RNF20: variants seen among roughly 807,000 people sequenced by gnomAD.
RNF20 encodes the protein ring finger protein 20, also known as E3 ubiquitin-protein ligase BRE1A.
RNF20 carries 84 observed loss-of-function variants against 126.2 expected under a neutral mutation model. The observed-to-expected ratio is 0.67, with a 90% CI of 0.56 to 0.80. RNF20 has a LOEUF of 0.80. Among genes scored for constraint, RNF20 ranks in the 30% least tolerant of loss-of-function variants. The probability of loss-of-function intolerance (pLI) is 0.00; values close to 1 mark genes in which losing one functional copy is unlikely to be tolerated. For synonymous variants in RNF20, 400 were observed against 414.3 expected (o/e 0.97, Z 0.42); for missense variants, 869 against 1,188.2 (o/e 0.73, Z 3.95).
intron 13 of RNF20, 44 bp downstream of exon 13, chr9:101,552,797 G>A: frequency 6.5e-7 from 1 of 1,529,436 alleles, no homozygotes; most frequent in Non-Finnish European, 8.8e-7. Flanking sequence ...GAAAAGCTAA[G>A]ATTAAGACAT....
Position 101,550,715 on chromosome 9 carries a change from A to G in RNF20, c.1202A>G (p.His401Arg), listed in dbSNP as rs745793236. 1.2e-6 allele frequency: 2 copies of G among 1,614,178 alleles called. No individual in the cohort carries two copies. The highest frequency in any genetic ancestry group is 1.7e-6 in the Non-Finnish European group (2 of 1,180,034). The change falls in exon 10 of 20, where the codon CAC (histidine) becomes CGC (arginine). Residue 401 changes from histidine (H) to arginine (R), a missense_variant. Coordinates refer to ENST00000389120, the MANE Select transcript of RNF20 (RefSeq NM_019592.7). ...AATGAGAGCCTACAGTTGAAAGCAC[A>G]CTTGGATGAGGCTCGGACCCTGCTT... Reference protein sequence around the residue: ...LYNESLQLKAHLDEARTLLHG... With the variant: ...LYNESLQLKARLDEARTLLHG...
Position 101,556,798 on chromosome 9 carries a change from C to T in RNF20, c.2170-586C>T, listed in dbSNP as rs117124253. Reference sequence around the variant, plus strand: ...AACTTTTATTACAAAGAAGGCTTATCTGATACAAAAAAAACTCTCCAAAAT... The same window carrying T: ...AACTTTTATTACAAAGAAGGCTTATTTGATACAAAAAAAACTCTCCAAAAT... On this transcript the variant is annotated intron_variant, in intron 15 of 19. Coordinates refer to ENST00000389120, the MANE Select transcript of RNF20 (RefSeq NM_019592.7). Among the ~76,000 whole-genome samples the T allele has an allele frequency of 8.1e-3, 1,230 of 152,036 alleles. 7 individuals carry two copies. Among genetic ancestry groups the T allele is most frequent in the Admixed American group, 0.014 (208 of 15,286 alleles).
Position 101,535,383 on chromosome 9 carries a change from C to CT in RNF20, c.-26-8dup, listed in dbSNP as rs777480899. 18 of 1,596,920 alleles carry CT rather than the reference C, an allele frequency of 1.1e-5. No homozygotes were observed. Among genetic ancestry groups the CT allele is most frequent in the South Asian group, 3.4e-5 (3 of 88,622 alleles). ...TTACATATATTATGTCAGTTTCTGCCTTTTTTTCTATCAGGAAAACGACTG... is the reference window on the plus strand; with the variant it reads ...TTACATATATTATGTCAGTTTCTGCCTTTTTTTTCTATCAGGAAAACGACTG... On this transcript the variant is annotated splice_polypyrimidine_tract_variant and intron_variant, in intron 1 of 19. Transcript: ENST00000389120.
At chr9:101,535,334 T>C in intron 1 of RNF20, 64 bp from the exon 2 acceptor site, 1 of 1,355,854 alleles carries the variant, frequency 7.4e-7, no homozygotes, top group South Asian at 1.4e-5. Context: ...TTTACTCTAT[T>C]GTTTTACTCT....
intron 2 of RNF20, among the ~76,000 whole-genome samples, chr9:101,538,584 C>A (rs1827218844): frequency 6.6e-6 from 1 of 151,994 alleles, no homozygotes; most frequent in African/African-American, 2.4e-5. Context: ...ACTAGAGAAG[C>A]CTGCAGGGAA....
At chr9:101,534,650 G>C (rs868512184) in intron 1 of RNF20, among the ~76,000 whole-genome samples, 1 of 152,166 alleles carries the variant, frequency 6.6e-6, no homozygotes, top group African/African-American at 2.4e-5. Context: ...GCTTAGAGAT[G>C]ATAACTGACT....
chr9:101,561,079 A>C lies in RNF20; in HGVS notation c.2509-11A>C. 6.2e-7 allele frequency: 1 copy of C among 1,613,050 alleles called. No homozygotes were observed. The highest frequency in any genetic ancestry group is 8.5e-7 in the Non-Finnish European group (1 of 1,179,536). On this transcript the variant is annotated splice_polypyrimidine_tract_variant and intron_variant, in intron 17 of 19. Coordinates refer to ENST00000389120, the MANE Select transcript of RNF20 (RefSeq NM_019592.7). ...ATACAATGGTGTCACTTATTTGTACATCCTACATAGGCAATGGAGGCAGCC... is the reference window on the plus strand; with the variant it reads ...ATACAATGGTGTCACTTATTTGTACCTCCTACATAGGCAATGGAGGCAGCC...
Position 101,550,759 on chromosome 9 carries a change from C to T in RNF20, c.1246C>T (p.His416Tyr). The change falls in exon 10 of 20, where the codon CAC becomes TAC. Residue 416 changes from histidine (H) to tyrosine (Y), a missense_variant. By Grantham distance (83) the His-to-Tyr change is moderately conservative. This residue lies in a region of RNF20 where 153 missense variants were observed against 226.4 expected (regional missense o/e 0.68). Transcript: ENST00000389120. ...RTLLHGTRGT[H>Y]QHQVELIERD... ...CCTGCTTCATGGCACCAGAGGAACC[C>T]ACCAGCACCAGGTTGAGCTTATTGA... 1.2e-6 allele frequency: 2 copies of T among 1,614,144 alleles called. No homozygotes were observed. The highest frequency in any genetic ancestry group is 1.1e-5 in the South Asian group (1 of 91,074).
In RNF20 at chr9:101,552,279, G is replaced by A; in HGVS notation, c.1530+17G>A. The A allele has an allele frequency of 6.2e-7, 1 of 1,614,134 alleles. No individual in the cohort carries two copies. Among genetic ancestry groups the A allele is most frequent in the African/African-American group, 1.3e-5 (1 of 75,038 alleles). On this transcript the variant is annotated intron_variant, in intron 12 of 19. Coordinates refer to ENST00000389120, the MANE Select transcript of RNF20 (RefSeq NM_019592.7). ...CTGAACAAGGTAACCAGAGGGAATA[G>A]AATAAATATCATTTGCTATTAATGT...
rs111539214 is a variant in RNF20 at position 101,537,201 on chromosome 9, G to A, written c.129+1649G>A. Among the ~76,000 whole-genome samples the A allele has an allele frequency of 4.6e-4, 70 of 152,324 alleles. 2 individuals carry two copies. The highest frequency in any genetic ancestry group is 1.6e-3 in the African/African-American group (65 of 41,584). On this transcript the variant is annotated intron_variant, in intron 2 of 19. Transcript: ENST00000389120. Reference sequence around the variant, plus strand: ...ACTTAGCACAGAGTTTTTGCTATAGGAGGCCTTTGCAGTAATCTTAATGAG... The same window carrying A: ...ACTTAGCACAGAGTTTTTGCTATAGAAGGCCTTTGCAGTAATCTTAATGAG...
intron 12 of RNF20, 32 bp downstream of exon 12, chr9:101,552,294 G>A (rs979821929): frequency 3.1e-6 from 5 of 1,613,974 alleles, no homozygotes; most frequent in Middle Eastern, 3.3e-4. Context: ...AATATCATTT[G>A]CTATTAATGT....
At chr9:101,557,749 T>C (rs1473399515) in intron 16 of RNF20, among the ~76,000 whole-genome samples, 153 bp downstream of exon 16, 2 of 152,240 alleles carry the variant, frequency 1.3e-5, no homozygotes, top group African/African-American at 2.4e-5. Flanking sequence ...GTAAATAAAT[T>C]ATACATCTCT....
rs773511790 is a variant in RNF20 at position 101,562,407 on chromosome 9, C to T, written c.2913C>T (p.Arg971=). The T allele has an allele frequency of 6.2e-7, 1 of 1,613,182 alleles. No homozygotes were observed. Among genetic ancestry groups the T allele is most frequent in the Admixed American group, 1.7e-5 (1 of 59,930 alleles). The change falls in exon 20 of 20, where the codon CGC becomes CGT. Residue 971 remains arginine, a synonymous_variant. Coordinates refer to ENST00000389120, the MANE Select transcript of RNF20 (RefSeq NM_019592.7). ...CTTTTGGTGCCAATGATTTTCATCGCATCTACATTGGTTGATCTAAGTCAA... is the reference window on the plus strand; with the variant it reads ...CTTTTGGTGCCAATGATTTTCATCGTATCTACATTGGTTGATCTAAGTCAA... ...NAAFGANDFH[R]IYIG
intron 6 of RNF20, among the ~76,000 whole-genome samples, chr9:101,545,272 T>C (rs370952283): frequency 4.6e-5 from 7 of 152,328 alleles, no homozygotes; most frequent in African/African-American, 1.7e-4. Context: ...TGATAGGCCT[T>C]AAATGACTTT....
chr9:101,538,581 A>G (rs1827218754), intron 2 of RNF20, among the ~76,000 whole-genome samples: 1 of 152,156 alleles, frequency 6.6e-6, no homozygotes, highest in Non-Finnish European at 1.5e-5. Context: ...ACCACTAGAG[A>G]AGCCTGCAGG....
At chr9:101,561,480 A>G in intron 18 of RNF20, 2 of 472,326 alleles carry the variant, frequency 4.2e-6, no homozygotes, top group Non-Finnish European at 7.5e-6. Context: ...TAAAGAAGTA[A>G]CAGCATAGCA....
At chr9:101,557,316 GT>G (rs1325937510) in intron 15 of RNF20, 67 bp from the exon 16 acceptor site, 1 of 1,185,216 alleles carries the variant, frequency 8.4e-7, no homozygotes, top group Non-Finnish European at 1.2e-6. Context: ...GGAAAATTTA[GT>G]TTCCTGTGCT....
intron 11 of RNF20, 30 bp from the exon 12 acceptor site, chr9:101,552,111 C>G (rs540123111): frequency 6.2e-7 from 1 of 1,613,962 alleles, no homozygotes; most frequent in Admixed American, 1.7e-5. Context: ...TACCACGGTT[C>G]CTCATAACAT....
At chr9:101,553,300 T>C (rs1274494190) in intron 13 of RNF20, among the ~76,000 whole-genome samples, 2 of 152,214 alleles carry the variant, frequency 1.3e-5, no homozygotes, top group Admixed American at 6.5e-5. Flanking sequence ...GCCCTTCTCC[T>C]GTATAACCAA....
Sources: allele counts gnomAD v4.1 joint callset (sites outside exome capture counted in the v4.1 genomes callset), GRCh38; gene constraint gnomAD v4.1.1; regional missense constraint gnomAD v4.1.1; transcripts MANE v1.5; gene names NCBI Gene and HGNC (gene_info 2026-07-23, HGNC 2026-07-21).